The following GRID1 variants were observed in gnomAD, a reference collection of about 807,000 sequenced individuals.
The protein encoded by GRID1 is glutamate receptor ionotropic, delta-1.
Under a neutral mutation model 98.0 loss-of-function variants are expected in GRID1, and 28 were observed. The ratio of observed to expected loss-of-function variants is 0.29; its 90% CI spans 0.21 to 0.39. The LOEUF is 0.39. Ranked by LOEUF, GRID1 falls within the 10% of genes least tolerant of loss-of-function variation. The pLI is 1.00. For missense variants in GRID1, 1,111 were observed against 1,340.5 expected, an observed-to-expected ratio of 0.83 and a Z score of 2.67; for synonymous variants, 553 against 538.5, an observed-to-expected ratio of 1.03 and a Z score of -0.37.
At position 86,012,813 on chromosome 10, in the gene GRID1, G is replaced by C. The variant is rs114679479; in HGVS notation, c.727-96574C>G. ...CCTCAGCAGACGCTGAATCTGCTGGGACCTTGATCTTGGACTTCAGTCTCC... is the reference window on the plus strand; with the variant it reads ...CCTCAGCAGACGCTGAATCTGCTGGCACCTTGATCTTGGACTTCAGTCTCC... On this transcript the variant is annotated intron_variant, in intron 4 of 15. Coordinates refer to ENST00000327946, the MANE Select transcript of GRID1 (RefSeq NM_017551.3). Among the ~76,000 whole-genome samples the C allele has an allele frequency of 9.2e-3, 1,401 of 152,300 alleles. 23 individuals are homozygous for C. Among genetic ancestry groups the C allele is most frequent in the African/African-American group, 0.032 (1,344 of 41,554 alleles).
intron 12 of GRID1, among the ~76,000 whole-genome samples, chr10:85,700,735 C>T (rs1319508491): frequency 1.3e-5 from 2 of 152,166 alleles, no homozygotes; most frequent in African/African-American, 4.8e-5. Context: ...ATACCTCATA[C>T]TCAACCCCAA....
chr10:86,137,781 C>T (rs892045595), intron 4 of GRID1, among the ~76,000 whole-genome samples: 1 of 152,158 alleles, frequency 6.6e-6, no homozygotes, highest in Non-Finnish European at 1.5e-5. Context: ...TCAGGGCTGC[C>T]GGCCAGTTGT....
At chr10:85,864,783 G>A (rs930537531) in intron 6 of GRID1, among the ~76,000 whole-genome samples, 3 of 152,096 alleles carry the variant, frequency 2.0e-5, no homozygotes, top group African/African-American at 4.8e-5. Context: ...CAAGCCATTC[G>A]ACAATTTTAA....
intron 2 of GRID1, among the ~76,000 whole-genome samples, chr10:86,228,246 T>C (rs1440775314): frequency 8.9e-5 from 8 of 89,760 alleles, no homozygotes; most frequent in African/African-American, 2.6e-4. Context: ...CATGGGTGGA[T>C]GGAGGGGTGG....
chr10:86,363,878 G>C (rs1262036687), intron 2 of GRID1, 63 bp downstream of exon 2: 62 of 1,414,876 alleles, frequency 4.4e-5, no homozygotes, highest in Non-Finnish European at 4.1e-5. Context: ...CCCCTCCGGT[G>C]CCCACTGCTG....
intron 4 of GRID1, among the ~76,000 whole-genome samples, chr10:86,029,372 G>A (rs1199654955): frequency 2.0e-5 from 3 of 152,150 alleles, no homozygotes; most frequent in Non-Finnish European, 2.9e-5. Flanking sequence ...CAACTCACAG[G>A]TATTTGAGAA....
At chr10:85,740,756 C>CTT (rs34684480) in intron 8 of GRID1, among the ~76,000 whole-genome samples, 6 of 147,262 alleles carry the variant, frequency 4.1e-5, no homozygotes, top group Middle Eastern at 3.4e-3. Flanking sequence ...ATACACTGTA[C>CTT]TTTTTTTTTT....
chr10:85,990,652 A>T (rs1308183241), intron 4 of GRID1, among the ~76,000 whole-genome samples: 1 of 152,186 alleles, frequency 6.6e-6, no homozygotes, highest in Non-Finnish European at 1.5e-5. Flanking sequence ...GAAGGAAGGA[A>T]GAGAGGTCCC....
chr10:86,253,470 A>G (rs1385592913), intron 2 of GRID1, among the ~76,000 whole-genome samples: 1 of 152,226 alleles, frequency 6.6e-6, no homozygotes. Context: ...TGGCAGATGC[A>G]TTACTGAAGG....
Position 85,599,798 on chromosome 10 carries a change from A to ATATATATATATATATAT in GRID1, c.*2474_*2475insATATATATATATATATA, listed in dbSNP as rs1444180852. On this transcript the variant is annotated 3_prime_UTR_variant, in exon 16 of 16. Transcript: ENST00000327946. ...AAGGGTAGAAAATTCTAAAAAAAAA[A>ATATATATATATATATAT]AAAAATATATATATATATATATAAA... The ATATATATATATATATAT allele has an allele frequency of 2.0e-5, 1 of 49,110 alleles. No homozygotes were observed. Among genetic ancestry groups the ATATATATATATATATAT allele is most frequent in the Non-Finnish European group, 3.9e-5 (1 of 25,724 alleles). The allele number at this position is 49,110 out of a possible 1,614,324, so 3.0% of individuals were successfully genotyped here. A position where few individuals can be genotyped will look rare whatever the true frequency, so the allele number is the denominator to read the frequency against.
At chr10:86,261,675 C>T (rs1847017584) in intron 2 of GRID1, among the ~76,000 whole-genome samples, 1 of 152,190 alleles carries the variant, frequency 6.6e-6, no homozygotes, top group Admixed American at 6.5e-5. Context: ...CAGCGCAAGA[C>T]AGAGGCAACC....
chr10:86,296,738 C>CA (rs2132078751), intron 2 of GRID1, among the ~76,000 whole-genome samples: 1 of 151,704 alleles, frequency 6.6e-6, no homozygotes, highest in South Asian at 2.1e-4. Flanking sequence ...GACTCCATCT[C>CA]AAAAATAAAT....
Position 85,738,269 on chromosome 10 carries a change from T to C in GRID1, c.1234-8655A>G, listed in dbSNP as rs534622582. On this transcript the variant is annotated intron_variant, in intron 8 of 15. Transcript: ENST00000327946. ...GAGGAAGACATGTGATAGGCCAATA[T>C]GCACATGAAAACATACATGCTCCAT... Among the ~76,000 whole-genome samples, 39 of 152,276 alleles carry C rather than the reference T, an allele frequency of 2.6e-4. No individual in the cohort carries two copies. In the South Asian group the frequency reaches 7.7e-3, roughly 30 times the overall value.
intron 3 of GRID1, among the ~76,000 whole-genome samples, chr10:86,154,646 G>A (rs1420867986): frequency 6.6e-6 from 1 of 152,190 alleles, no homozygotes; most frequent in Non-Finnish European, 1.5e-5. Flanking sequence ...TGCAATAGCA[G>A]CTCAGAAAAG....
At chr10:85,981,099 C>T (rs1344038742) in intron 4 of GRID1, among the ~76,000 whole-genome samples, 1 of 152,156 alleles carries the variant, frequency 6.6e-6, no homozygotes, top group South Asian at 2.1e-4. Flanking sequence ...TGGTAGCTCA[C>T]AGCCCGACAG....
At chr10:85,847,853 A>T (rs1433840022) in intron 8 of GRID1, among the ~76,000 whole-genome samples, 2 of 152,218 alleles carry the variant, frequency 1.3e-5, no homozygotes, top group Non-Finnish European at 2.9e-5. Context: ...TTGACCACAT[A>T]TATTTTTTAA....
At chr10:85,749,657 A>G (rs1439724777) in intron 8 of GRID1, among the ~76,000 whole-genome samples, 3 of 152,172 alleles carry the variant, frequency 2.0e-5, no homozygotes, top group Non-Finnish European at 4.4e-5. Context: ...CCTAGCTAAT[A>G]ATATCCTATC....
rs542487614 is a variant in GRID1 at position 86,285,150 on chromosome 10, G to C, written c.236-78502C>G. 2.0e-5 allele frequency among the ~76,000 whole-genome samples: 3 copies of C among 149,890 alleles called. No homozygotes were observed. In the South Asian group the frequency reaches 6.4e-4, roughly 32 times the overall value. ...CCTCAGCCCAGGGAAAGCATCCAGA[G>C]TGTCCCTGCAAACACCACACCAGCA... On this transcript the variant is annotated intron_variant, in intron 2 of 15. Coordinates refer to ENST00000327946, the MANE Select transcript of GRID1 (RefSeq NM_017551.3).
intron 8 of GRID1, among the ~76,000 whole-genome samples, chr10:85,820,865 T>C (rs1020620902): frequency 1.3e-5 from 2 of 152,184 alleles, no homozygotes; most frequent in Non-Finnish European, 2.9e-5. Flanking sequence ...GACGTTTCTT[T>C]AAAAATTAAG....
Sources: allele counts gnomAD v4.1 joint callset (sites outside exome capture counted in the v4.1 genomes callset), GRCh38; gene constraint gnomAD v4.1.1; transcripts MANE v1.5; gene names NCBI Gene and HGNC (gene_info 2026-07-23, HGNC 2026-07-21).